Variants in SLC39A12 observed in about 807,000 individuals in gnomAD.
SLC39A12 encodes solute carrier family 39 member 12.
SLC39A12 carries 63 observed loss-of-function variants against 71.1 expected under a neutral mutation model. The ratio of observed to expected loss-of-function variants is 0.89; its 90% CI spans 0.72 to 1.09. SLC39A12 has a LOEUF of 1.09. Ranked by LOEUF, SLC39A12 falls within the 50% of genes least tolerant of loss-of-function variation. The probability of loss-of-function intolerance (pLI) is 0.00; values close to 1 mark genes in which losing one functional copy is unlikely to be tolerated. For synonymous variants in SLC39A12, 351 were observed against 301.3 expected (o/e 1.16, Z -1.71); for missense variants, 892 against 812.6 (o/e 1.10, Z -1.19).
At chr10:17,984,676 C>T (rs142502476) in intron 6 of SLC39A12, among the ~76,000 whole-genome samples, 14 of 152,260 alleles carry the variant, frequency 9.2e-5, no homozygotes, top group East Asian at 3.9e-4. Context: ...ATAAAAGACA[C>T]GACGATGTAG....
intron 12 of SLC39A12, among the ~76,000 whole-genome samples, chr10:18,021,813 G>T (rs1052301262): frequency 5.3e-5 from 8 of 152,140 alleles, no homozygotes. Context: ...GTCAGGTCTG[G>T]TGGTTACAAA....
intron 2 of SLC39A12, among the ~76,000 whole-genome samples, chr10:17,954,762 C>T (rs562906910): frequency 6.6e-6 from 1 of 151,622 alleles, no homozygotes; most frequent in African/African-American, 2.4e-5. Flanking sequence ...ATAAGTAAAA[C>T]AAAAGCTAAC....
At chr10:17,965,433 A>C (rs1442275222) in intron 3 of SLC39A12, 50 bp from the exon 4 acceptor site, 1 of 1,553,454 alleles carries the variant, frequency 6.4e-7, no homozygotes, top group Admixed American at 1.7e-5. Context: ...GTTAGAATCA[A>C]AATAACTTCA....
At chr10:17,969,996 T>A (rs550218363) in intron 4 of SLC39A12, among the ~76,000 whole-genome samples, 5 of 152,350 alleles carry the variant, frequency 3.3e-5, no homozygotes, top group African/African-American at 1.2e-4. Flanking sequence ...GGTTTCATTC[T>A]TCTGCATGGG....
At chr10:18,017,450 A>G (rs1836416819) in intron 12 of SLC39A12, among the ~76,000 whole-genome samples, 1 of 152,198 alleles carries the variant, frequency 6.6e-6, no homozygotes, top group Non-Finnish European at 1.5e-5. Flanking sequence ...CTAGGATTAC[A>G]GGTGCATGCC....
chr10:18,021,431 G>A (rs144049590), intron 12 of SLC39A12, among the ~76,000 whole-genome samples: 6 of 152,116 alleles, frequency 3.9e-5, no homozygotes, highest in African/African-American at 1.4e-4. Context: ...TCTAAGATAA[G>A]AATAGCAGCC....
At chr10:18,040,332 C>T (rs570734023) in intron 12 of SLC39A12, among the ~76,000 whole-genome samples, 53 of 152,296 alleles carry the variant, frequency 3.5e-4, no homozygotes, top group African/African-American at 1.3e-3. Context: ...CTGGATCCTA[C>T]TTTGTCTTTG....
At chr10:18,008,963 T>C (rs369385233) in intron 12 of SLC39A12, among the ~76,000 whole-genome samples, 21 of 152,104 alleles carry the variant, frequency 1.4e-4, no homozygotes, top group Admixed American at 2.6e-4. Flanking sequence ...ATTGCTCAAA[T>C]AGAAAAAAAA....
At chr10:17,963,410 A>G (rs1402432130) in intron 3 of SLC39A12, among the ~76,000 whole-genome samples, 1 of 152,244 alleles carries the variant, frequency 6.6e-6, no homozygotes, top group East Asian at 1.9e-4. Flanking sequence ...TATCCCACAC[A>G]TACTGCAAAT....
At chr10:18,006,679 T>C (rs182553726) in intron 12 of SLC39A12, among the ~76,000 whole-genome samples, 80 of 152,272 alleles carry the variant, frequency 5.3e-4, no homozygotes, top group African/African-American at 1.8e-3. Flanking sequence ...TGCCTCAGAA[T>C]AGTTTACCTG....
chr10:18,008,001 A>G (rs924867755), intron 12 of SLC39A12, among the ~76,000 whole-genome samples: 1 of 152,132 alleles, frequency 6.6e-6, no homozygotes, highest in Non-Finnish European at 1.5e-5. Flanking sequence ...TGACATAATC[A>G]CTAACAATTA....
At chr10:18,022,435 G>A (rs987832663) in intron 12 of SLC39A12, among the ~76,000 whole-genome samples, 4 of 151,736 alleles carry the variant, frequency 2.6e-5, no homozygotes, top group Non-Finnish European at 4.4e-5. Flanking sequence ...CAATACTTCT[G>A]ATTGTGTTAT....
intron 11 of SLC39A12, 96 bp from the exon 12 acceptor site, chr10:18,003,075 C>A: frequency 9.1e-7 from 1 of 1,100,804 alleles, no homozygotes; most frequent in Non-Finnish European, 1.3e-6. Flanking sequence ...AAATTGGTTC[C>A]AGTGCTGACA....
intron 12 of SLC39A12, among the ~76,000 whole-genome samples, chr10:18,022,593 A>G (rs1219030252): frequency 3.3e-5 from 5 of 152,092 alleles, no homozygotes; most frequent in African/African-American, 1.2e-4. Context: ...AATCTCGATG[A>G]TCTTTGTTGC....
chr10:17,965,246 T>C (rs1251543866), intron 3 of SLC39A12, among the ~76,000 whole-genome samples: 2 of 151,730 alleles, frequency 1.3e-5, no homozygotes, highest in East Asian at 3.9e-4. Context: ...AAAAGCTGGA[T>C]AAATAAGGAC....
Position 17,965,551 on chromosome 10 carries a change from G to A in SLC39A12, c.612G>A (p.Thr204=), listed in dbSNP as rs773815080. ...GCAGTGAAGGTGCTAATGAAAGTAC[G>A]CTTCCTCAGTTGGCAGCCATGATCA... ...IVSSEGANES[T]LPQLAAMIIT... Residue 204 remains threonine (T), a synonymous_variant, in exon 4 of 13, where the codon ACG becomes ACA. Coordinates refer to ENST00000377369, the MANE Select transcript of SLC39A12 (RefSeq NM_001145195.2). 11 of 1,614,090 alleles carry A rather than the reference G, an allele frequency of 6.8e-6. No individual in the cohort carries two copies. In the Admixed American group the frequency reaches 8.3e-5, roughly 12 times the overall value.
chr10:17,987,130 A>G (rs1835418514), intron 6 of SLC39A12, among the ~76,000 whole-genome samples: 1 of 152,152 alleles, frequency 6.6e-6, no homozygotes, highest in African/African-American at 2.4e-5. Flanking sequence ...GGAGTTCGAG[A>G]CCAGCCTGGG....
At chr10:18,022,033 T>C (rs1836547283) in intron 12 of SLC39A12, among the ~76,000 whole-genome samples, 4 of 152,208 alleles carry the variant, frequency 2.6e-5, no homozygotes, top group Admixed American at 2.0e-4. Context: ...ACCCCTTCTC[T>C]CTAGCTGCCT....
At chr10:18,029,686 C>T (rs1027412226) in intron 12 of SLC39A12, among the ~76,000 whole-genome samples, 96 of 152,082 alleles carry the variant, frequency 6.3e-4, no homozygotes, top group Non-Finnish European at 7.2e-4. Context: ...AATCAAGATC[C>T]GTAAAATTGC....
Sources: allele counts gnomAD v4.1 joint callset (sites outside exome capture counted in the v4.1 genomes callset), GRCh38; gene constraint gnomAD v4.1.1; transcripts MANE v1.5; gene names NCBI Gene and HGNC (gene_info 2026-07-23, HGNC 2026-07-21).